The following EFR3A variants were observed in gnomAD, a reference collection of about 807,000 sequenced individuals.
EFR3A encodes the protein protein EFR3 homolog A.
A neutral mutation model predicts 104.4 loss-of-function variants in EFR3A; 76 were observed. That is an observed-to-expected ratio of 0.73 (90% CI 0.60 to 0.88). EFR3A has a LOEUF of 0.88. Ranked by LOEUF, EFR3A falls within the 40% of genes least tolerant of loss-of-function variation. EFR3A has a pLI of 0.00. For missense variants in EFR3A, 985 were observed against 1,012.5 expected (o/e 0.97, Z 0.37); for synonymous variants, 330 against 330.0 (o/e 1.00, Z 0.00).
At chr8:131,938,231 G>T (rs1818004043) in intron 1 of EFR3A, 5 of 397,716 alleles carry the variant, frequency 1.3e-5, no homozygotes, top group Non-Finnish European at 8.9e-6. Flanking sequence ...CAACATGAAG[G>T]ACTATGTTCA....
chr8:132,006,244 G>A (rs796396762), intron 22 of EFR3A, among the ~76,000 whole-genome samples: 6 of 152,070 alleles, frequency 3.9e-5, no homozygotes, highest in African/African-American at 1.4e-4. Flanking sequence ...ACAGAAAATA[G>A]GCAAACAATA....
intron 1 of EFR3A, chr8:131,940,105 G>A (rs1434809094): frequency 5.6e-6 from 1 of 178,186 alleles, no homozygotes; most frequent in African/African-American, 2.4e-5. Context: ...AGATCCAAAG[G>A]AGGGGGTCTA....
At chr8:131,910,598 T>C (rs1325481826) in intron 1 of EFR3A, among the ~76,000 whole-genome samples, 1 of 152,164 alleles carries the variant, frequency 6.6e-6, no homozygotes, top group South Asian at 2.1e-4. Context: ...AGGGCAGTGA[T>C]TTTCAGTTAT....
intron 8 of EFR3A, among the ~76,000 whole-genome samples, chr8:131,965,287 G>C (rs1420705028): frequency 6.6e-6 from 1 of 152,118 alleles, no homozygotes; most frequent in Non-Finnish European, 1.5e-5. Flanking sequence ...GCAACCTACA[G>C]AATGGGAGAA....
chr8:131,976,973 G>A (rs867294725), intron 11 of EFR3A, 68 bp from the exon 12 acceptor site: 1 of 1,075,184 alleles, frequency 9.3e-7, no homozygotes, highest in African/African-American at 1.6e-5. Context: ...TTTAAAATCA[G>A]TAATTGAAGT....
chr8:131,962,720 T>A (rs1284258205), intron 8 of EFR3A, among the ~76,000 whole-genome samples: 2 of 152,212 alleles, frequency 1.3e-5, no homozygotes, highest in Admixed American at 1.3e-4. Flanking sequence ...CAAGTGGACC[T>A]AATAGACATC....
At chr8:131,991,384 C>T (rs1821174195) in intron 18 of EFR3A, among the ~76,000 whole-genome samples, 1 of 151,542 alleles carries the variant, frequency 6.6e-6, no homozygotes, top group Non-Finnish European at 1.5e-5. Context: ...GAAAGAAGTA[C>T]ATATTTCAGC....
At chr8:131,924,353 A>T (rs1247788061) in intron 1 of EFR3A, among the ~76,000 whole-genome samples, 2 of 152,076 alleles carry the variant, frequency 1.3e-5, no homozygotes, top group Non-Finnish European at 2.9e-5. Context: ...TGAAAAGACT[A>T]ATCATATAAT....
intron 1 of EFR3A, among the ~76,000 whole-genome samples, chr8:131,912,360 A>G (rs925146134): frequency 3.9e-5 from 6 of 152,184 alleles, no homozygotes; most frequent in Admixed American, 1.3e-4. Flanking sequence ...AGGAAAAAAG[A>G]TATTATTTAC....
intron 21 of EFR3A, among the ~76,000 whole-genome samples, chr8:132,003,002 A>G (rs1374638795): frequency 1.3e-5 from 2 of 152,066 alleles, no homozygotes; most frequent in Non-Finnish European, 2.9e-5. Context: ...ATTTTGTTTT[A>G]TGTGTTTGTT....
chr8:132,001,636 C>T, intron 19 of EFR3A, 123 bp from the exon 20 acceptor site: 3 of 773,824 alleles, frequency 3.9e-6, no homozygotes, highest in Non-Finnish European at 6.6e-6. Flanking sequence ...CAGCTCACAG[C>T]TCAGACCCAA....
intron 22 of EFR3A, among the ~76,000 whole-genome samples, chr8:132,004,288 GC>G (rs1296161899): frequency 1.3e-5 from 2 of 152,214 alleles, no homozygotes; most frequent in Non-Finnish European, 2.9e-5. Context: ...CTGGCCCATG[GC>G]CTATTAGGAA....
intron 9 of EFR3A, among the ~76,000 whole-genome samples, chr8:131,970,147 A>G (rs1158208881): frequency 2.0e-5 from 3 of 152,202 alleles, no homozygotes; most frequent in Non-Finnish European, 1.5e-5. Context: ...ATATTGTCCT[A>G]GTACACATTA....
intron 7 of EFR3A, among the ~76,000 whole-genome samples, chr8:131,958,543 G>A (rs76035128): frequency 0.017 from 2,564 of 151,582 alleles, 65 homozygotes; most frequent in African/African-American, 0.056. Flanking sequence ...TATGTAACAC[G>A]TAGTAGACCT....
intron 18 of EFR3A, 67 bp from the exon 19 acceptor site, chr8:131,996,339 G>C: frequency 1.0e-6 from 1 of 966,080 alleles, no homozygotes; most frequent in Non-Finnish European, 1.5e-6. Context: ...GAAATAAGTA[G>C]AGTTTATAAA....
At position 131,950,084 on chromosome 8, in the gene EFR3A, G is replaced by A. The variant is rs1291653738; in HGVS notation, c.482G>A (p.Arg161Gln). 3 of 1,605,682 alleles carry A rather than the reference G, an allele frequency of 1.9e-6. No homozygotes were observed. Among genetic ancestry groups the A allele is most frequent in the Non-Finnish European group, 2.6e-6 (3 of 1,175,480 alleles). The change falls in exon 5 of 23, where the codon CGA becomes CAA. Residue 161 changes from arginine (R) to glutamine (Q), a missense_variant. Transcript: ENST00000254624. Reference sequence around the variant, plus strand: ...TCCTGTCATAGTGATCCAGAAATACGAACAGAGTATGTATTATTTTACTTT... The same window carrying A: ...TCCTGTCATAGTGATCCAGAAATACAAACAGAGTATGTATTATTTTACTTT... The part of the protein sequence containing the change: ...CHSCHSDPEI[R>Q]TEIRIAGIRG...
In EFR3A at chr8:131,970,486, G is replaced by T; in HGVS notation, c.1002G>T (p.Val334=). Residue 334 remains valine (V), a synonymous_variant, in exon 10 of 23, where the codon GTG becomes GTT. Transcript: ENST00000254624. ...AGTGATCCTTTATAGGTCCGACAGT[G>T]CTGGAAGTCTTCAATACCCTTTTGA... ...IAAKGSIGPT[V]LEVFNTLLKH... 6.2e-7 allele frequency: 1 copy of T among 1,613,680 alleles called. No individual in the cohort carries two copies. The highest frequency in any genetic ancestry group is 8.5e-7 in the Non-Finnish European group (1 of 1,179,706).
chr8:131,913,334 C>G (rs557248402), intron 1 of EFR3A, among the ~76,000 whole-genome samples: 2 of 152,022 alleles, frequency 1.3e-5, no homozygotes, highest in East Asian at 3.9e-4. Flanking sequence ...CAAACAGGAA[C>G]TACTATTTTT....
chr8:132,011,076 C>G lies in EFR3A; in HGVS notation c.*181C>G. On this transcript the variant is annotated 3_prime_UTR_variant, in exon 23 of 23. Coordinates refer to ENST00000254624, the MANE Select transcript of EFR3A (RefSeq NM_015137.6). ...TTGGAGCTATATATAATTTCGAGTA[C>G]TTTCAAAGATAGATTTATGCCATGT... 1 of 1,253,754 alleles carries G rather than the reference C, an allele frequency of 8.0e-7. No individual in the cohort carries two copies. Among genetic ancestry groups the G allele is most frequent in the East Asian group, 2.8e-5 (1 of 35,090 alleles). The allele number at this position is 1,253,754 out of a possible 1,614,324, so 77.7% of individuals were successfully genotyped here.
Sources: allele counts gnomAD v4.1 joint callset (sites outside exome capture counted in the v4.1 genomes callset), GRCh38; gene constraint gnomAD v4.1.1; transcripts MANE v1.5; gene names NCBI Gene and HGNC (gene_info 2026-07-23, HGNC 2026-07-21).